Variants in ESPN observed in about 807,000 individuals in gnomAD.
ESPN encodes the protein espin, also known as autosomal recessive deafness type 36 protein.
Under a neutral mutation model 77.7 loss-of-function variants are expected in ESPN, and 68 were observed. That is an observed-to-expected ratio of 0.87 (90% CI 0.72 to 1.07). The LOEUF (loss-of-function observed/expected upper bound fraction) is 1.07. ESPN is among the 50% of genes least tolerant of loss of function. ESPN has a pLI of 0.00. For missense variants in ESPN, 1,060 were observed against 1,239.0 expected, an observed-to-expected ratio of 0.86 and a Z score of 2.17; for synonymous variants, 449 against 567.1, an observed-to-expected ratio of 0.79 and a Z score of 2.96.
intron 2 of ESPN, among the ~76,000 whole-genome samples, chr1:6,436,019 G>A (rs946264556): frequency 9.2e-5 from 14 of 152,188 alleles, no homozygotes; most frequent in Non-Finnish European, 1.8e-4. Flanking sequence ...TAGCGAAGCC[G>A]GGGCCCTCCC....
At chr1:6,456,659 T>G (rs560010458) in intron 10 of ESPN, 1 of 216,822 alleles carries the variant, frequency 4.6e-6, no homozygotes, top group Admixed American at 5.2e-5. Context: ...GAAATAAAAC[T>G]CTTTGCTGTA....
chr1:6,452,703 A>T (rs1342262341), intron 10 of ESPN, among the ~76,000 whole-genome samples: 4 of 152,288 alleles, frequency 2.6e-5, no homozygotes, highest in African/African-American at 9.6e-5. Context: ...GACCACACTG[A>T]GTAGCCAAGA....
Position 6,451,440 on chromosome 1 carries a change from G to T in ESPN, c.1916-163G>T, listed in dbSNP as rs1235822712. ...CCAAGGGCCCGCCTCTGGGGGCCCT[G>T]AAACCTGCCTGCAGGACCTGGGATC... On this transcript the variant is annotated intron_variant, in intron 8 of 12. Coordinates refer to ENST00000645284, the MANE Select transcript of ESPN (RefSeq NM_031475.3). This position sits in a 1 kb window ranked among gnomAD's most constrained non-coding sequence, Gnocchi z 4.3. The T allele has an allele frequency of 7.0e-6, 7 of 1,006,990 alleles. No homozygotes were observed. The highest frequency in any genetic ancestry group is 3.2e-5 in the African/African-American group (2 of 62,072). The allele number at this position is 1,006,990 out of a possible 1,614,324, so 62.4% of individuals were successfully genotyped here.
intron 6 of ESPN, 51 bp downstream of exon 6, chr1:6,444,733 C>G: frequency 6.2e-7 from 1 of 1,606,482 alleles, no homozygotes; most frequent in Non-Finnish European, 8.5e-7. Flanking sequence ...TGAAGCCAGA[C>G]TGCTGGGCTG....
rs759977792 is a variant in ESPN at position 6,428,337 on chromosome 1, G to C, written c.406G>C (p.Asp136His). The C allele has an allele frequency of 1.9e-6, 3 of 1,612,980 alleles. No homozygotes were observed. Among genetic ancestry groups the C allele is most frequent in the Non-Finnish European group, 2.5e-6 (3 of 1,179,976 alleles). Reference sequence around the variant, plus strand: ...CGGTGGGGACCCCACCGCGGCCACAGACATGGGCGCCCTGCCTATCCACTA... The same window carrying C: ...CGGTGGGGACCCCACCGCGGCCACACACATGGGCGCCCTGCCTATCCACTA... ...HGGGDPTAAT[D>H]MGALPIHYAA... The change falls in exon 2 of 13, where the codon GAC becomes CAC. Residue 136 changes from aspartate (D) to histidine (H), a missense_variant. Physicochemically the swap from Asp to His is moderately conservative, Grantham distance 81. Coordinates refer to ENST00000645284, the MANE Select transcript of ESPN (RefSeq NM_031475.3). This position sits in a 1 kb window ranked among gnomAD's most constrained non-coding sequence, Gnocchi z 5.4.
chr1:6,457,285 G>C, intron 11 of ESPN, 22 bp downstream of exon 11: 2 of 1,614,188 alleles, frequency 1.2e-6, no homozygotes, highest in Admixed American at 3.3e-5. Flanking sequence ...GTCAGGCAGA[G>C]GCTGGCCTGG....
At chr1:6,448,385 G>T (rs1216005148) in intron 7 of ESPN, 2 of 461,628 alleles carry the variant, frequency 4.3e-6, no homozygotes, top group Non-Finnish European at 7.7e-6. Flanking sequence ...TCTGGCCTCA[G>T]TGGGGGCCCC....
chr1:6,451,430 T>G lies in ESPN; in HGVS notation c.1916-173T>G, dbSNP rs1643940850. On this transcript the variant is annotated intron_variant, in intron 8 of 12. Coordinates refer to ENST00000645284, the MANE Select transcript of ESPN (RefSeq NM_031475.3). The surrounding 1 kb of genome is among the most constrained non-coding windows in gnomAD (Gnocchi z 4.3). ...AGTCAGGGAACCAAGGGCCCGCCTC[T>G]GGGGGCCCTGAAACCTGCCTGCAGG... 1.2e-6 allele frequency: 1 copy of G among 860,206 alleles called. No individual in the cohort carries two copies. Among genetic ancestry groups the G allele is most frequent in the Non-Finnish European group, 1.9e-6 (1 of 538,628 alleles). The allele number at this position is 860,206 out of a possible 1,614,324, so 53.3% of individuals were successfully genotyped here.
rs538758044 is a variant in ESPN at position 6,450,132 on chromosome 1, C to G, written c.1915+1041C>G. On this transcript the variant is annotated intron_variant, in intron 8 of 12. Transcript: ENST00000645284. The surrounding 1 kb of genome is among the most constrained non-coding windows in gnomAD (Gnocchi z 4.3). ...TCTGGGCTTCCCGAGACACCCTCAC[C>G]CAGCACAGCCAGGGCTGGGTGCCCT... Among the ~76,000 whole-genome samples the G allele has an allele frequency of 2.0e-5, 3 of 152,270 alleles. No individual in the cohort carries two copies. In the East Asian group the frequency reaches 5.8e-4, roughly 29 times the overall value.
intron 2 of ESPN, among the ~76,000 whole-genome samples, chr1:6,436,269 G>A (rs946316576): frequency 3.9e-5 from 6 of 152,044 alleles, no homozygotes; most frequent in African/African-American, 1.4e-4. Flanking sequence ...AGTGATCTTA[G>A]CTCTCTGTGC....
chr1:6,440,684 A>T lies in ESPN; in HGVS notation c.734A>T (p.His245Leu). 6.6e-7 allele frequency: 1 copy of T among 1,511,976 alleles called. No homozygotes were observed. Among genetic ancestry groups the T allele is most frequent in the Non-Finnish European group, 8.8e-7 (1 of 1,135,708 alleles). The allele number at this position is 1,511,976 out of a possible 1,614,324, so 93.7% of individuals were successfully genotyped here. A position where few individuals can be genotyped will look rare whatever the true frequency, so the allele number is the denominator to read the frequency against. The change falls in exon 4 of 13, where the codon CAC becomes CTC. Residue 245 changes from histidine (H) to leucine (L), a missense_variant. Coordinates refer to ENST00000645284, the MANE Select transcript of ESPN (RefSeq NM_031475.3). ...GACAAAGACGGCGCCACCGCCATGC[A>T]CTTCGCGGCGAGCCGCGGCCACACC... ...EQDKDGATAM[H>L]FAASRGHTKV... is the part of the protein sequence containing the mutation.
chr1:6,425,381 C>T (rs1023400862), intron 1 of ESPN, 132 bp downstream of exon 1: 3 of 1,183,266 alleles, frequency 2.5e-6, no homozygotes, highest in Non-Finnish European at 2.4e-6. Context: ...GCACGGAGCT[C>T]CTTCCAGAGG....
chr1:6,450,043 C>T lies in ESPN; in HGVS notation c.1915+952C>T, dbSNP rs1256344448. Among the ~76,000 whole-genome samples the T allele has an allele frequency of 6.6e-6, 1 of 152,206 alleles. No individual in the cohort carries two copies. The highest frequency in any genetic ancestry group is 1.5e-5 in the Non-Finnish European group (1 of 68,026). On this transcript the variant is annotated intron_variant, in intron 8 of 12. Transcript: ENST00000645284. This position sits in a 1 kb window ranked among gnomAD's most constrained non-coding sequence, Gnocchi z 4.3. ...CCATGTAAGCAAGTCCAGCACCTGC[C>T]GAACCTCCTTCTTCCCTCCACAGCC...
intron 2 of ESPN, among the ~76,000 whole-genome samples, chr1:6,434,256 C>A (rs1643354229): frequency 6.6e-6 from 1 of 152,200 alleles, no homozygotes; most frequent in Admixed American, 6.5e-5. Flanking sequence ...TCCTGCGTGA[C>A]AACCAAAAGC....
rs898264352 is a variant in ESPN at position 6,460,276 on chromosome 1, A to AC, written c.*135dup. The AC allele has an allele frequency of 6.8e-6, 8 of 1,177,154 alleles. No homozygotes were observed. The African/African-American group carries it at 1.1e-4, about 16-fold the overall frequency. The allele number at this position is 1,177,154 out of a possible 1,614,324, so 72.9% of individuals were successfully genotyped here. Reference sequence around the variant, plus strand: ...CCTCCTGCGCTGGAAACCCTCCCTGACCCCCACCCTGGCCCCCCGTATCCC... The same window carrying AC: ...CCTCCTGCGCTGGAAACCCTCCCTGACCCCCCACCCTGGCCCCCCGTATCCC... On this transcript the variant is annotated 3_prime_UTR_variant, in exon 13 of 13. Coordinates refer to ENST00000645284, the MANE Select transcript of ESPN (RefSeq NM_031475.3).
rs568590131 is a variant in ESPN, at chr1:6,450,360, G to A, written c.1916-1243G>A. 1.1e-3 allele frequency: 453 copies of A among 400,834 alleles called. 1 individual carries two copies. Among genetic ancestry groups the A allele is most frequent in the Non-Finnish European group, 1.4e-3 (422 of 295,330 alleles). The allele number at this position is 400,834 out of a possible 1,614,324, so 24.8% of individuals were successfully genotyped here. ...CCCCCCCGCCCGCTCTCCCTGGCCC[G>A]CTCCCTGTCCCCTGCTGTCCCAGTC... On this transcript the variant is annotated intron_variant, in intron 8 of 12. Transcript: ENST00000645284. This position sits in a 1 kb window ranked among gnomAD's most constrained non-coding sequence, Gnocchi z 4.3.
At chr1:6,455,711 C>T in intron 10 of ESPN, 5 of 399,126 alleles carry the variant, frequency 1.3e-5, no homozygotes, top group Non-Finnish European at 1.8e-5. Context: ...AGTTCCGCCA[C>T]CTACTGTGCT....
intron 10 of ESPN, chr1:6,455,573 T>C (rs2148545787): frequency 2.5e-6 from 1 of 399,008 alleles, no homozygotes; most frequent in Non-Finnish European, 4.4e-6. Context: ...ACGGCCTGTA[T>C]TGGCCCCAGC....
rs899935280 is a variant in ESPN at position 6,447,945 on chromosome 1, G to A, written c.1465-696G>A. The stretch of plus-strand genomic sequence containing the variant: ...GCCCCCTGTGGCATCCGCGACGGCT[G>A]GGGGGGTTCAGCCTGGGATTGGCGG... On this transcript the variant is annotated intron_variant, in intron 7 of 12. Transcript: ENST00000645284. This position sits in a 1 kb window ranked among gnomAD's most constrained non-coding sequence, Gnocchi z 5.2. The A allele has an allele frequency of 6.6e-6, 1 of 152,188 alleles. No homozygotes were observed. 9.4% of individuals were successfully genotyped at this position (152,188 alleles called of 1,614,324 possible). A position where few individuals can be genotyped will look rare whatever the true frequency, so the allele number is the denominator to read the frequency against.
Sources: allele counts gnomAD v4.1 joint callset (sites outside exome capture counted in the v4.1 genomes callset), GRCh38; gene constraint gnomAD v4.1.1; non-coding constraint Gnocchi (gnomAD v3.1); transcripts MANE v1.5; gene names NCBI Gene and HGNC (gene_info 2026-07-23, HGNC 2026-07-21).